Variants in GOLM1 observed in about 807,000 individuals in gnomAD.
GOLM1 encodes epididymis luminal protein 46.
In GOLM1, 31 loss-of-function variants were observed where a neutral mutation model predicts 50.5. The ratio of observed to expected loss-of-function variants is 0.61; its 90% confidence interval spans 0.46 to 0.83. The LOEUF (loss-of-function observed/expected upper bound fraction) is 0.83, where lower values mean the gene tolerates loss of function less well. Among genes scored for constraint, GOLM1 ranks in the 40% least tolerant of loss-of-function variants. The pLI is 0.00. For synonymous variants in GOLM1, 178 were observed against 192.8 expected (o/e 0.92, Z 0.64); for missense variants, 491 against 501.3 (o/e 0.98, Z 0.20).
intron 3 of GOLM1, among the ~76,000 whole-genome samples, chr9:86,066,668 C>T (rs1043703349): frequency 2.0e-5 from 3 of 152,132 alleles, no homozygotes; most frequent in Admixed American, 6.5e-5. Flanking sequence ...ACCAGCCGAG[C>T]GAGAATGTTA....
intron 7 of GOLM1, 40 bp from the exon 8 acceptor site, chr9:86,035,665 T>C: frequency 7.0e-7 from 1 of 1,433,370 alleles, no homozygotes; most frequent in Non-Finnish European, 9.3e-7. Context: ...TTGCCAGCAT[T>C]TGATTTAAAA....
intron 3 of GOLM1, among the ~76,000 whole-genome samples, chr9:86,075,340 A>G (rs1834580178): frequency 6.6e-6 from 1 of 152,222 alleles, no homozygotes; most frequent in Non-Finnish European, 1.5e-5. Context: ...GACTGCGCCC[A>G]CCACTGCTGC....
At chr9:86,067,313 T>C (rs1834335360) in intron 3 of GOLM1, among the ~76,000 whole-genome samples, 1 of 152,256 alleles carries the variant, frequency 6.6e-6, no homozygotes, top group Admixed American at 6.5e-5. Context: ...AATGCACACC[T>C]TTACAAGTGA....
In GOLM1 at chr9:86,049,040, T is replaced by G. The variant is rs144264851; in HGVS notation, c.365-2468A>C. The stretch of plus-strand genomic sequence containing the variant: ...CATTTAAGTCTTAATCCATCTTGAA[T>G]TAATTTTTGTATAAGGTGTAAGGAA... On this transcript the variant is annotated intron_variant, in intron 4 of 9. Transcript: ENST00000388712. Among the ~76,000 whole-genome samples the G allele has an allele frequency of 5.2e-3, 794 of 152,340 alleles. 8 individuals carry two copies. The highest frequency in any genetic ancestry group is 0.018 in the African/African-American group (765 of 41,576).
intron 1 of GOLM1, among the ~76,000 whole-genome samples, chr9:86,095,074 TAAA>T (rs71372459): frequency 7.4e-6 from 1 of 135,216 alleles, no homozygotes; most frequent in African/African-American, 2.7e-5. Context: ...AAACCCCGTC[TAAA>T]AAAAAAAAAA....
At position 86,036,315 on chromosome 9, in the gene GOLM1, C is replaced by G. The variant is rs764223641; in HGVS notation, c.757+33G>C. ...CTTCCTCTGATGGGGCTCTGGAGAG[C>G]TGGGAACAGGGCAACTGCTGGGCTC... On this transcript the variant is annotated intron_variant, in intron 7 of 9. Coordinates refer to ENST00000388712, the MANE Select transcript of GOLM1 (RefSeq NM_016548.4). 6 of 1,612,580 alleles carry G rather than the reference C, an allele frequency of 3.7e-6. No homozygotes were observed. The East Asian group carries it at 1.1e-4, about 30-fold the overall frequency.
At chr9:86,068,314 CTG>C (rs1423908158) in intron 3 of GOLM1, among the ~76,000 whole-genome samples, 2 of 152,236 alleles carry the variant, frequency 1.3e-5, no homozygotes, top group Non-Finnish European at 2.9e-5. Flanking sequence ...GCCCTCAAAA[CTG>C]TAAAAGTATA....
At chr9:86,041,599 G>A (rs1833353925) in intron 5 of GOLM1, among the ~76,000 whole-genome samples, 1 of 152,202 alleles carries the variant, frequency 6.6e-6, no homozygotes, top group Admixed American at 6.5e-5. Flanking sequence ...CTACCACTGG[G>A]CTGTTCTGTA....
At chr9:86,070,797 C>T (rs182238851) in intron 3 of GOLM1, among the ~76,000 whole-genome samples, 52 of 152,114 alleles carry the variant, frequency 3.4e-4, no homozygotes, top group Middle Eastern at 3.4e-3. Flanking sequence ...ATTGATCAGG[C>T]GCAAAACTTA....
intron 1 of GOLM1, among the ~76,000 whole-genome samples, chr9:86,095,793 G>C (rs1266177308): frequency 1.3e-5 from 2 of 152,182 alleles, no homozygotes; most frequent in Non-Finnish European, 2.9e-5. Context: ...TGACCTGGCA[G>C]GTGACTCCTG....
At chr9:86,089,876 T>C (rs541888746) in intron 1 of GOLM1, among the ~76,000 whole-genome samples, 1 of 152,322 alleles carries the variant, frequency 6.6e-6, no homozygotes, top group African/African-American at 2.4e-5. Flanking sequence ...TGCAGGTTTT[T>C]CCTCATCTTT....
rs1832790829 is a variant in GOLM1 at position 86,026,582 on chromosome 9, CA to C, written c.*1234del. 7 of 962,030 alleles carry C rather than the reference CA, an allele frequency of 7.3e-6. No individual in the cohort carries two copies. Among genetic ancestry groups the C allele is most frequent in the African/African-American group, 1.8e-5 (1 of 56,756 alleles). 59.6% of individuals were successfully genotyped at this position (962,030 alleles called of 1,614,324 possible). ...AACGATCTCTGGGGCCTTAGCATCT[CA>C]AATCCTGTGGATCCTCCTACTTACC... On this transcript the variant is annotated 3_prime_UTR_variant, in exon 10 of 10. Transcript: ENST00000388712.
rs942857670 is a variant in GOLM1, at chr9:86,033,371, C to T, written c.1040G>A (p.Gly347Glu). Residue 347 changes from glycine to glutamate, a missense_variant, in exon 9 of 10, where the codon GGA becomes GAA. Gly to Glu is a moderately conservative substitution (Grantham distance 98). Coordinates refer to ENST00000388712, the MANE Select transcript of GOLM1 (RefSeq NM_016548.4). ...GEGRNQQKLR[G>E]EDDYNMDENE... ...TTCATCCATGTTGTAGTCATCTTCT[C>T]CTCTCAGTTTCTGCTGGTTTCTCCC... is the stretch of plus-strand genomic sequence containing the variant. 6.2e-7 allele frequency: 1 copy of T among 1,610,898 alleles called. No homozygotes were observed.
chr9:86,057,974 A>C (rs1041391221), intron 3 of GOLM1, among the ~76,000 whole-genome samples: 9 of 152,208 alleles, frequency 5.9e-5, no homozygotes, highest in Admixed American at 2.6e-4. Context: ...TATCTAATCC[A>C]AGTCAACCCT....
intron 1 of GOLM1, among the ~76,000 whole-genome samples, chr9:86,097,795 G>A (rs780478615): frequency 3.3e-5 from 5 of 152,114 alleles, no homozygotes; most frequent in Admixed American, 6.5e-5. Context: ...CTCCTTCCTG[G>A]GGAAGGTGGC....
intron 1 of GOLM1, among the ~76,000 whole-genome samples, chr9:86,095,074 T>TG (rs149534159): frequency 6.7e-5 from 9 of 135,220 alleles, no homozygotes; most frequent in African/African-American, 2.4e-4. Context: ...AAACCCCGTC[T>TG]AAAAAAAAAA....
chr9:86,053,391 C>T (rs1404795186), intron 3 of GOLM1, among the ~76,000 whole-genome samples: 14 of 101,366 alleles, frequency 1.4e-4, no homozygotes, highest in Admixed American at 1.3e-3. Context: ...CCAAACCACA[C>T]ATCAGTCCAC....
intron 5 of GOLM1, among the ~76,000 whole-genome samples, chr9:86,046,234 G>A (rs912856419): frequency 3.2e-4 from 49 of 152,194 alleles, no homozygotes; most frequent in African/African-American, 1.1e-3. Flanking sequence ...GTACACCTGT[G>A]CCTTACAGAG....
intron 1 of GOLM1, among the ~76,000 whole-genome samples, chr9:86,091,770 G>A (rs1200993349): frequency 6.6e-6 from 1 of 152,212 alleles, no homozygotes; most frequent in African/African-American, 2.4e-5. Context: ...GTAGAGGTAA[G>A]TCAGTGGGTG....
Sources: allele counts gnomAD v4.1 joint callset (sites outside exome capture counted in the v4.1 genomes callset), GRCh38; gene constraint gnomAD v4.1.1; transcripts MANE v1.5; gene names NCBI Gene and HGNC (gene_info 2026-07-23, HGNC 2026-07-21).